Variants in PCDHA10 observed in about 807,000 individuals in gnomAD.
PCDHA10 encodes protocadherin alpha-10.
In PCDHA10, 45 loss-of-function variants were observed where a neutral mutation model predicts 61.2. The observed-to-expected ratio is 0.74, with a 90% CI of 0.58 to 0.94. The LOEUF is 0.94. PCDHA10 is among the 40% of genes least tolerant of loss of function. The probability of loss-of-function intolerance (pLI) is 0.00; values close to 1 mark genes in which losing one functional copy is unlikely to be tolerated. For missense variants in PCDHA10, 1,278 were observed against 1,236.2 expected, an observed-to-expected ratio of 1.03 and a Z score of -0.51; for synonymous variants, 602 against 548.8, an observed-to-expected ratio of 1.10 and a Z score of -1.35.
chr5:140,951,252 A>G (rs568359458), intron 1 of PCDHA10, among the ~76,000 whole-genome samples: 1 of 151,856 alleles, frequency 6.6e-6, no homozygotes, highest in African/African-American at 2.4e-5. Context: ...AATGCATCAC[A>G]TTTTTCTGGT....
rs554327220 is a variant in PCDHA10 at position 140,980,560 on chromosome 5, G to T, written c.2447+1553G>T. Reference sequence around the variant, plus strand: ...CAGGAGAATCGCTTGAACCCGGGAGGCGGAAGTTGCAGTGAGCCAAGATCG... The same window carrying T: ...CAGGAGAATCGCTTGAACCCGGGAGTCGGAAGTTGCAGTGAGCCAAGATCG... On this transcript the variant is annotated intron_variant, in intron 2 of 3. Coordinates refer to ENST00000307360, the MANE Select transcript of PCDHA10 (RefSeq NM_018901.4). Among the ~76,000 whole-genome samples the T allele has an allele frequency of 1.6e-4, 25 of 152,244 alleles. No individual in the cohort carries two copies. The East Asian group carries it at 4.6e-3, about 28-fold the overall frequency.
intron 1 of PCDHA10, among the ~76,000 whole-genome samples, chr5:140,972,168 G>T (rs969968770): frequency 2.6e-5 from 4 of 152,064 alleles, no homozygotes; most frequent in African/African-American, 9.7e-5. Context: ...TTGAGACAGA[G>T]TCTTGGCCTG....
intron 1 of PCDHA10, chr5:140,969,487 T>C: frequency 6.8e-7 from 1 of 1,460,090 alleles, no homozygotes; most frequent in Non-Finnish European, 9.1e-7. Flanking sequence ...TAATCTGCTA[T>C]TTCCTCTCTA....
At chr5:140,969,152 T>C in intron 1 of PCDHA10, 1 of 1,614,002 alleles carries the variant, frequency 6.2e-7, no homozygotes, top group East Asian at 2.2e-5. Flanking sequence ...CTACAAGGCC[T>C]GTCTGACAGC....
intron 1 of PCDHA10, among the ~76,000 whole-genome samples, chr5:140,903,175 A>G (rs1554190800): frequency 1.3e-5 from 2 of 152,170 alleles, no homozygotes; most frequent in Non-Finnish European, 2.9e-5. Context: ...TTACATTCCC[A>G]CCAATAGTAT....
rs782182425 is a variant in PCDHA10 at position 140,876,300 on chromosome 5, A to C, written c.2388+17864A>C. On this transcript the variant is annotated intron_variant, in intron 1 of 3. Coordinates refer to ENST00000307360, the MANE Select transcript of PCDHA10 (RefSeq NM_018901.4). ...ATCCAGACGAAGGACTTAATGGAGA[A>C]ATTTCCTATGGGATCAAAATGATTT... 2.1e-5 allele frequency: 34 copies of C among 1,613,966 alleles called. No individual in the cohort carries two copies. Among genetic ancestry groups the C allele is most frequent in the Non-Finnish European group, 2.9e-5 (34 of 1,179,910 alleles).
chr5:140,933,405 T>C (rs2089126451), intron 1 of PCDHA10, among the ~76,000 whole-genome samples: 1 of 152,062 alleles, frequency 6.6e-6, no homozygotes, highest in African/African-American at 2.4e-5. Context: ...GGTTACCATC[T>C]ACAGATATTC....
rs530482397 is a variant in PCDHA10, at chr5:140,923,460, T to C, written c.2389-55489T>C. ...GGAGGATCACCTGAGCCCAGAGAGG[T>C]AGGGGCTGCAGTGAGCCATCTTCAC... On this transcript the variant is annotated intron_variant, in intron 1 of 3. Coordinates refer to ENST00000307360, the MANE Select transcript of PCDHA10 (RefSeq NM_018901.4). Among the ~76,000 whole-genome samples, 704 of 151,994 alleles carry C rather than the reference T, an allele frequency of 4.6e-3. 3 individuals carry two copies. Among genetic ancestry groups the C allele is most frequent in the African/African-American group, 0.016 (681 of 41,446 alleles).
rs199940622 is a variant in PCDHA10, at chr5:140,870,517, C to T, written c.2388+12081C>T. ...GAAGGAGAACAACCCACCAGGCTGCCACATCTTCACAGTGTCGGCGCGGGA... is the reference window on the plus strand; with the variant it reads ...GAAGGAGAACAACCCACCAGGCTGCTACATCTTCACAGTGTCGGCGCGGGA... On this transcript the variant is annotated intron_variant, in intron 1 of 3. Coordinates refer to ENST00000307360, the MANE Select transcript of PCDHA10 (RefSeq NM_018901.4). The T allele has an allele frequency of 6.8e-6, 11 of 1,614,224 alleles. No homozygotes were observed. Among genetic ancestry groups the T allele is most frequent in the Non-Finnish European group, 9.3e-6 (11 of 1,180,048 alleles).
intron 1 of PCDHA10, among the ~76,000 whole-genome samples, chr5:140,886,040 C>T (rs533442744): frequency 9.2e-5 from 14 of 152,118 alleles, no homozygotes; most frequent in Non-Finnish European, 1.9e-4. Context: ...AAGTTTTCCC[C>T]AATAGTAACA....
intron 1 of PCDHA10, chr5:140,870,600 C>T (rs2052205241): frequency 6.2e-7 from 1 of 1,613,338 alleles, no homozygotes. Context: ...GGCGGTTGGG[C>T]GACCGCGCGC....
chr5:140,883,447 C>A, intron 1 of PCDHA10: 1 of 1,614,168 alleles, frequency 6.2e-7, no homozygotes. Context: ...CGCCGCATGT[C>A]CCCTTCAAGC....
intron 1 of PCDHA10, among the ~76,000 whole-genome samples, chr5:140,949,857 G>A (rs1554219193): frequency 6.6e-6 from 1 of 151,520 alleles, no homozygotes; most frequent in East Asian, 1.9e-4. Context: ...CCGCTTATCT[G>A]TTGTCTTTTG....
At chr5:140,931,044 CT>C (rs781930381) in intron 1 of PCDHA10, among the ~76,000 whole-genome samples, 67 of 152,264 alleles carry the variant, frequency 4.4e-4, no homozygotes, top group South Asian at 2.7e-3. Flanking sequence ...GCAAGAAAAA[CT>C]TCAATGCTGT....
intron 1 of PCDHA10, among the ~76,000 whole-genome samples, chr5:140,915,626 G>C (rs928151112): frequency 6.1e-5 from 9 of 146,436 alleles, no homozygotes; most frequent in East Asian, 4.1e-4. Flanking sequence ...GTCTCTTTCT[G>C]TCTCTCTCTC....
In PCDHA10 at chr5:140,937,572, G is replaced by C. The variant is rs113857647; in HGVS notation, c.2389-41377G>C. On this transcript the variant is annotated intron_variant, in intron 1 of 3. Transcript: ENST00000307360. ...GCAGAGGTTGCAGTGAGCTGGGATC[G>C]CGTCACTGCACTCTAGCCTGGGCAA... Among the ~76,000 whole-genome samples, 273 of 151,500 alleles carry C rather than the reference G, an allele frequency of 1.8e-3. 1 individual carries two copies. Among genetic ancestry groups the C allele is most frequent in the African/African-American group, 6.4e-3 (263 of 41,048 alleles).
chr5:140,997,375 G>A (rs983164883), intron 3 of PCDHA10, among the ~76,000 whole-genome samples: 1 of 152,066 alleles, frequency 6.6e-6, no homozygotes, highest in Non-Finnish European at 1.5e-5. Flanking sequence ...AGATGATATA[G>A]CATACTACAC....
intron 1 of PCDHA10, among the ~76,000 whole-genome samples, chr5:140,924,668 G>T (rs2081943079): frequency 6.6e-6 from 1 of 152,142 alleles, no homozygotes; most frequent in Non-Finnish European, 1.5e-5. Context: ...GCCGAGGCAG[G>T]CCAATCACTT....
intron 3 of PCDHA10, among the ~76,000 whole-genome samples, chr5:140,985,692 C>T (rs1208331191): frequency 6.6e-6 from 1 of 151,060 alleles, no homozygotes; most frequent in Non-Finnish European, 1.5e-5. Flanking sequence ...CGCTAATCCT[C>T]GTTCATATGT....
Sources: gnomAD v4.1 joint callset for allele counts (sites outside exome capture counted in the v4.1 genomes callset) on GRCh38, gnomAD v4.1.1 for gene constraint, MANE v1.5 for transcripts, NCBI Gene and HGNC (gene_info 2026-07-23, HGNC 2026-07-21) for gene names.